The following BZW2 variants were observed in gnomAD, a reference collection of about 807,000 sequenced individuals.
BZW2 encodes eIF5-mimic protein 1.
A neutral mutation model predicts 53.2 loss-of-function variants in BZW2; 23 were observed. That is an observed-to-expected ratio of 0.43 (90% confidence interval 0.31 to 0.61). The LOEUF (loss-of-function observed/expected upper bound fraction) is 0.61. Among genes scored for constraint, BZW2 ranks in the 20% least tolerant of loss-of-function variants. BZW2 has a pLI of 0.09. For synonymous variants in BZW2, 227 were observed against 186.4 expected (o/e 1.22, Z -1.77); for missense variants, 409 against 503.1 (o/e 0.81, Z 1.79).
intron 3 of BZW2, 116 bp downstream of exon 3, chr7:16,674,704 A>G (rs1246352922): frequency 1.1e-6 from 1 of 942,054 alleles, no homozygotes; most frequent in Non-Finnish European, 1.4e-6. Flanking sequence ...TAATAAAAAT[A>G]CAAATGGAAG....
At chr7:16,659,798 T>C (rs1281247986) in intron 1 of BZW2, among the ~76,000 whole-genome samples, 1 of 152,066 alleles carries the variant, frequency 6.6e-6, no homozygotes, top group Non-Finnish European at 1.5e-5. Context: ...TTATGAAACG[T>C]TTTATACTTT....
At chr7:16,686,638 A>C (rs1316823064) in intron 6 of BZW2, 1 of 152,462 alleles carries the variant, frequency 6.6e-6, no homozygotes, top group Non-Finnish European at 1.5e-5. Flanking sequence ...AATGATAGTC[A>C]AATTACAATG....
chr7:16,669,333 C>T (rs928968558), intron 2 of BZW2, among the ~76,000 whole-genome samples: 8 of 152,018 alleles, frequency 5.3e-5, no homozygotes, highest in African/African-American at 1.9e-4. Flanking sequence ...CATCATGTTG[C>T]TCAGGTTCGT....
chr7:16,674,396 A>G lies in BZW2; in HGVS notation c.59-16A>G. On this transcript the variant is annotated splice_polypyrimidine_tract_variant and intron_variant, in intron 2 of 11. Coordinates refer to ENST00000258761, the MANE Select transcript of BZW2 (RefSeq NM_014038.3). ...ATTTATTTATTTGACTGTTATTTTGAATTGTTTTATTTTAGATGAAAAAGA... is the reference window on the plus strand; with the variant it reads ...ATTTATTTATTTGACTGTTATTTTGGATTGTTTTATTTTAGATGAAAAAGA... 1 of 1,536,822 alleles carries G rather than the reference A, an allele frequency of 6.5e-7. No individual in the cohort carries two copies. Among genetic ancestry groups the G allele is most frequent in the Non-Finnish European group, 8.8e-7 (1 of 1,134,192 alleles).
chr7:16,665,541 A>G (rs1239143761), intron 2 of BZW2, 40 bp downstream of exon 2: 1 of 1,600,080 alleles, frequency 6.2e-7, no homozygotes. Context: ...TTAAAGTTGT[A>G]ACCAAAATAT....
At chr7:16,673,959 G>T (rs1782686556) in intron 2 of BZW2, among the ~76,000 whole-genome samples, 1 of 142,532 alleles carries the variant, frequency 7.0e-6, no homozygotes. Flanking sequence ...GGGTGCAATG[G>T]CACTGTCTCT....
At chr7:16,650,400 CAA>C (rs201116543) in intron 1 of BZW2, among the ~76,000 whole-genome samples, 6 of 149,554 alleles carry the variant, frequency 4.0e-5, no homozygotes, top group African/African-American at 1.5e-4. Context: ...GAAGGCATTC[CAA>C]AAAAAAAGAG....
chr7:16,673,193 G>A (rs900843699), intron 2 of BZW2, among the ~76,000 whole-genome samples: 47 of 152,110 alleles, frequency 3.1e-4, no homozygotes, highest in Admixed American at 2.6e-3. Context: ...TGATCCGCCC[G>A]CCTCGGCCTC....
chr7:16,705,088 G>A (rs1323368793), intron 11 of BZW2, among the ~76,000 whole-genome samples: 2 of 152,200 alleles, frequency 1.3e-5, no homozygotes, highest in Admixed American at 6.5e-5. Flanking sequence ...CAGGTGTGGT[G>A]GCTCACACCT....
At chr7:16,684,585 TTTA>T (rs1194403264) in intron 5 of BZW2, among the ~76,000 whole-genome samples, 1 of 152,162 alleles carries the variant, frequency 6.6e-6, no homozygotes, top group Non-Finnish European at 1.5e-5. Context: ...GAGGCTAATT[TTTA>T]TTATTCTCGT....
At chr7:16,676,367 G>A (rs1169334108) in intron 3 of BZW2, among the ~76,000 whole-genome samples, 3 of 152,040 alleles carry the variant, frequency 2.0e-5, no homozygotes, top group Non-Finnish European at 4.4e-5. Context: ...TGACCAACGT[G>A]GAGAAACCCT....
chr7:16,676,347 G>A (rs1413928641), intron 3 of BZW2, among the ~76,000 whole-genome samples: 5 of 152,056 alleles, frequency 3.3e-5, no homozygotes, highest in South Asian at 2.1e-4. Context: ...TCGGGAGTTC[G>A]AGACCAGCCT....
intron 6 of BZW2, chr7:16,686,862 G>A (rs1439738515): frequency 6.6e-6 from 1 of 152,094 alleles, no homozygotes; most frequent in Admixed American, 6.5e-5. Flanking sequence ...ACTCTTCCTA[G>A]TTTTTAGCTT....
intron 3 of BZW2, among the ~76,000 whole-genome samples, chr7:16,677,412 G>C (rs1782799656): frequency 6.6e-6 from 1 of 152,126 alleles, no homozygotes; most frequent in Non-Finnish European, 1.5e-5. Flanking sequence ...CTCTCAACAG[G>C]AAAACCTAAG....
At chr7:16,665,164 G>A (rs1047273027) in intron 1 of BZW2, among the ~76,000 whole-genome samples, 1 of 151,898 alleles carries the variant, frequency 6.6e-6, no homozygotes, top group Non-Finnish European at 1.5e-5. Context: ...AAATTAGCTG[G>A]GCGTGGTGGC....
chr7:16,672,783 C>T (rs529490181), intron 2 of BZW2, among the ~76,000 whole-genome samples: 14 of 152,138 alleles, frequency 9.2e-5, no homozygotes, highest in Non-Finnish European at 1.6e-4. Flanking sequence ...CCAAGTCGAC[C>T]TTCCACAAGG....
At chr7:16,670,204 A>G (rs1442360632) in intron 2 of BZW2, among the ~76,000 whole-genome samples, 3 of 152,068 alleles carry the variant, frequency 2.0e-5, no homozygotes, top group Non-Finnish European at 4.4e-5. Flanking sequence ...TACCACCCTT[A>G]TTGCTCACTG....
intron 3 of BZW2, among the ~76,000 whole-genome samples, chr7:16,677,215 G>T (rs1258969142): frequency 6.6e-6 from 1 of 152,056 alleles, no homozygotes. Flanking sequence ...TAGATGATTG[G>T]CTATTTCTTT....
At chr7:16,700,702 T>C (rs1239386351) in intron 10 of BZW2, 2 of 152,190 alleles carry the variant, frequency 1.3e-5, no homozygotes, top group East Asian at 3.8e-4. Flanking sequence ...TGAACTCCAG[T>C]GACATGTTCA....
Sources: allele counts gnomAD v4.1 joint callset (sites outside exome capture counted in the v4.1 genomes callset), GRCh38; gene constraint gnomAD v4.1.1; transcripts MANE v1.5; gene names NCBI Gene and HGNC (gene_info 2026-07-23, HGNC 2026-07-21).